ITIH4: variants seen among roughly 807,000 people sequenced by gnomAD.
ITIH4 encodes the protein inter-alpha-trypsin inhibitor heavy chain 4.
Under a neutral mutation model 111.8 loss-of-function variants are expected in ITIH4, and 79 were observed. That is an observed-to-expected ratio of 0.71 (90% CI 0.59 to 0.85). The LOEUF is 0.85. ITIH4 is among the 40% of genes least tolerant of loss of function. The probability of loss-of-function intolerance (pLI) is 0.00; values close to 1 mark genes in which losing one functional copy is unlikely to be tolerated. For synonymous variants in ITIH4, 472 were observed against 468.3 expected (o/e 1.01, Z -0.10); for missense variants, 1,065 against 1,195.8 (o/e 0.89, Z 1.61).
intron 11 of ITIH4, among the ~76,000 whole-genome samples, chr3:52,822,695 G>A (rs1416271317): frequency 2.0e-5 from 3 of 152,184 alleles, no homozygotes; most frequent in Non-Finnish European, 4.4e-5. Flanking sequence ...TGGCCACGCA[G>A]ACCGTACCAA....
chr3:52,825,470 C>T (rs1249061520), intron 6 of ITIH4, among the ~76,000 whole-genome samples: 2 of 151,040 alleles, frequency 1.3e-5, no homozygotes, highest in South Asian at 2.1e-4. Flanking sequence ...TGGTGGTGCA[C>T]GCCTGTAGTC....
chr3:52,827,696 C>CCTG (rs1700507326), intron 2 of ITIH4, among the ~76,000 whole-genome samples: 1 of 152,220 alleles, frequency 6.6e-6, no homozygotes, highest in African/African-American at 2.4e-5. Context: ...GCACTTTCCC[C>CCTG]CTACAGCAGT....
At position 52,819,378 on chromosome 3, in the gene ITIH4, C is replaced by T. The variant is rs377087485; in HGVS notation, c.2077+15G>A. ...TGGGAAACCGAGGCCCTCGCAGGGC[C>T]GGAAGGCAGCTTACAGATGGCCAGA... On this transcript the variant is annotated intron_variant, in intron 17 of 23. Transcript: ENST00000266041. 71 of 1,613,676 alleles carry T rather than the reference C, an allele frequency of 4.4e-5. No homozygotes were observed. The highest frequency in any genetic ancestry group is 1.3e-4 in the African/African-American group (10 of 74,916).
chr3:52,815,506 T>G (rs971047788), intron 21 of ITIH4, among the ~76,000 whole-genome samples: 3 of 152,042 alleles, frequency 2.0e-5, no homozygotes, highest in Admixed American at 1.3e-4. Context: ...CCTCCCAAAG[T>G]GCTGGGATTA....
rs1439921552 is a variant in ITIH4 at position 52,819,468 on chromosome 3, T to C, written c.2002A>G (p.Arg668Gly). Residue 668 changes from arginine to glycine, a missense_variant, in exon 17 of 24, where the codon AGG becomes GGG. Coordinates refer to ENST00000266041, the MANE Select transcript of ITIH4 (RefSeq NM_002218.5). The stretch of plus-strand genomic sequence containing the variant: ...GGAGGTCCTGGGAGTCCAAGTTGCC[T>C]GGAGCTGAGAACCCCAGGTCTGAAA... Reference protein sequence around the residue: ...MNFRPGVLSSRQLGLPGPPDV... With the variant: ...MNFRPGVLSSGQLGLPGPPDV... 2 of 1,614,140 alleles carry C rather than the reference T, an allele frequency of 1.2e-6. No homozygotes were observed. The highest frequency in any genetic ancestry group is 1.7e-6 in the Non-Finnish European group (2 of 1,179,998).
Position 52,819,547 on chromosome 3 carries a change from C to G in ITIH4, c.1952-29G>C, listed in dbSNP as rs200702093. On this transcript the variant is annotated intron_variant, in intron 16 of 23. Transcript: ENST00000266041. Reference sequence around the variant, plus strand: ...TGGAGAAATCGACAGATGCAGTCTTCTCTCAGGTGGGGTGTGGGTCTTCAC... The same window carrying G: ...TGGAGAAATCGACAGATGCAGTCTTGTCTCAGGTGGGGTGTGGGTCTTCAC... 355 of 1,613,712 alleles carry G rather than the reference C, an allele frequency of 2.2e-4. 3 individuals carry two copies. Among genetic ancestry groups the G allele is most frequent in the Admixed American group, 1.7e-4 (10 of 60,000 alleles).
At position 52,826,787 on chromosome 3, in the gene ITIH4, G is replaced by A; in HGVS notation, c.519+4C>T. On this transcript the variant is annotated splice_donor_region_variant and intron_variant, in intron 4 of 23. Transcript: ENST00000266041. ...GCCTCCCTGGAAGAGGTAGCAGCAG[G>A]TACCTGCAGGTGCTTGACCAGCTGC... 2 of 1,613,712 alleles carry A rather than the reference G, an allele frequency of 1.2e-6. No homozygotes were observed. Among genetic ancestry groups the A allele is most frequent in the Non-Finnish European group, 1.7e-6 (2 of 1,179,968 alleles).
At chr3:52,820,509 C>T (rs528407257) in intron 13 of ITIH4, 122 bp downstream of exon 13, 4 of 1,287,946 alleles carry the variant, frequency 3.1e-6, no homozygotes, top group South Asian at 1.4e-5. Flanking sequence ...TAGGCTGAAT[C>T]TCCCAGGGGG....
intron 17 of ITIH4, chr3:52,818,780 T>C: frequency 1.8e-6 from 1 of 547,052 alleles, no homozygotes; most frequent in Non-Finnish European, 3.3e-6. Context: ...GGACCTCTGT[T>C]GGCTTTCTGA....
chr3:52,824,144 G>A lies in ITIH4; in HGVS notation c.1171+46C>T, dbSNP rs376909882. 2.0e-5 allele frequency: 32 copies of A among 1,600,342 alleles called. No individual in the cohort carries two copies. Among genetic ancestry groups the A allele is most frequent in the African/African-American group, 5.3e-5 (4 of 74,790 alleles). Reference sequence around the variant, plus strand: ...AGCAAGCCCAGGTGCAGCCCCAGCCGCCTCCCCTGTGCAGCACGTCCTGGA... The same window carrying A: ...AGCAAGCCCAGGTGCAGCCCCAGCCACCTCCCCTGTGCAGCACGTCCTGGA... On this transcript the variant is annotated intron_variant, in intron 9 of 23. Coordinates refer to ENST00000266041, the MANE Select transcript of ITIH4 (RefSeq NM_002218.5). This position sits in a 1 kb window ranked among gnomAD's most constrained non-coding sequence, Gnocchi z 4.3.
chr3:52,813,533 C>G, intron 23 of ITIH4, 43 bp from the exon 24 acceptor site: 1 of 1,568,534 alleles, frequency 6.4e-7, no homozygotes. Context: ...GTCAGCAAAT[C>G]TCAGGTGTGG....
chr3:52,829,172 C>T lies in ITIH4; in HGVS notation c.198G>A (p.Glu66=), dbSNP rs2154111764. The T allele has an allele frequency of 6.2e-7, 1 of 1,613,298 alleles. No homozygotes were observed. The highest frequency in any genetic ancestry group is 8.5e-7 in the Non-Finnish European group (1 of 1,179,382). Residue 66 remains glutamate, a synonymous_variant, in exon 2 of 24, where the codon GAG becomes GAA. Coordinates refer to ENST00000266041, the MANE Select transcript of ITIH4 (RefSeq NM_002218.5). The part of the protein sequence containing the change: ...RVVNRANTVQ[E]ATFQMELPKK... Reference sequence around the variant, plus strand: ...TGGGCAGCTCCATCTGGAAGGTGGCCTCCTGCACAGTATTGGCCCTATTGA... The same window carrying T: ...TGGGCAGCTCCATCTGGAAGGTGGCTTCCTGCACAGTATTGGCCCTATTGA...
chr3:52,819,650 G>A, intron 16 of ITIH4, 104 bp downstream of exon 16: 1 of 1,573,504 alleles, frequency 6.4e-7, no homozygotes, highest in East Asian at 2.2e-5. Flanking sequence ...CGGCCAACTT[G>A]GGGAGCCTCT....
Position 52,823,850 on chromosome 3 carries a change from C to T in ITIH4, c.1326G>A (p.Glu442=), listed in dbSNP as rs375231686. ...GGAGCTGCAGGGCAGAGTCTGAGTC[C>T]TCATGGATGCGCCGGGCCAGGCCGC... is the stretch of plus-strand genomic sequence containing the variant. ...DNGGLARRIH[E]DSDSALQLQD... Residue 442 remains glutamate, a synonymous_variant, in exon 10 of 24, where the codon GAG becomes GAA. Coordinates refer to ENST00000266041, the MANE Select transcript of ITIH4 (RefSeq NM_002218.5). 2.5e-5 allele frequency: 41 copies of T among 1,613,772 alleles called. No homozygotes were observed. Among genetic ancestry groups the T allele is most frequent in the Middle Eastern group, 1.6e-4 (1 of 6,084 alleles).
chr3:52,813,906 C>A lies in ITIH4; in HGVS notation c.2723+69G>T, dbSNP rs981264397. ...AGGACAGGAGTGGGGCCCTGGAGAGCCTGGCTCCTGGCCTGCCAGTCCCCA... is the reference window on the plus strand; with the variant it reads ...AGGACAGGAGTGGGGCCCTGGAGAGACTGGCTCCTGGCCTGCCAGTCCCCA... On this transcript the variant is annotated intron_variant, in intron 23 of 23. Transcript: ENST00000266041. 3.2e-6 allele frequency: 4 copies of A among 1,264,754 alleles called. No individual in the cohort carries two copies. In the African/African-American group the frequency reaches 6.0e-5, roughly 19 times the overall value. 78.3% of individuals were successfully genotyped at this position (1,264,754 alleles called of 1,614,324 possible). A position where few individuals can be genotyped will look rare whatever the true frequency, so the allele number is the denominator to read the frequency against.
chr3:52,829,176 T>G lies in ITIH4; in HGVS notation c.194A>C (p.Gln65Pro), dbSNP rs1281832657. The change falls in exon 2 of 24, where the codon CAG becomes CCG. Residue 65 changes from glutamine to proline, a missense_variant. Physicochemically the swap from Gln to Pro is moderately conservative, Grantham distance 76. Coordinates refer to ENST00000266041, the MANE Select transcript of ITIH4 (RefSeq NM_002218.5). ...CAGCTCCATCTGGAAGGTGGCCTCC[T>G]GCACAGTATTGGCCCTATTGACCAC... Reference protein sequence around the residue: ...SRVVNRANTVQEATFQMELPK... With the variant: ...SRVVNRANTVPEATFQMELPK... 1 of 1,613,474 alleles carries G rather than the reference T, an allele frequency of 6.2e-7. No individual in the cohort carries two copies. The highest frequency in any genetic ancestry group is 8.5e-7 in the Non-Finnish European group (1 of 1,179,490).
intron 17 of ITIH4, 66 bp from the exon 18 acceptor site, chr3:52,818,602 G>A: frequency 7.3e-7 from 1 of 1,360,562 alleles, no homozygotes; most frequent in Admixed American, 2.0e-5. Context: ...GCAACCAGCA[G>A]CGCTGCCACC....
rs762703121 is a variant in ITIH4, at chr3:52,824,940, C to A, written c.778G>T (p.Val260Leu). 6.2e-7 allele frequency: 1 copy of A among 1,612,290 alleles called. No individual in the cohort carries two copies. Among genetic ancestry groups the A allele is most frequent in the African/African-American group, 1.3e-5 (1 of 74,874 alleles). The change falls in exon 7 of 24, where the codon GTA becomes TTA. Residue 260 changes from valine to leucine, a missense_variant. Physicochemically the swap from Val to Leu is conservative, Grantham distance 32. Coordinates refer to ENST00000266041, the MANE Select transcript of ITIH4 (RefSeq NM_002218.5). The surrounding 1 kb of genome is among the most constrained non-coding windows in gnomAD (Gnocchi z 4.3). ...GSIQIENGYF[V>L]HYFAPEGLTT... ...AGGCCCTCGGGGGCAAAGTAGTGTA[C>A]AAAGTAGCCGTTCTCGATCTGTGGC...
At chr3:52,815,381 T>C (rs530679059) in intron 21 of ITIH4, among the ~76,000 whole-genome samples, 5 of 151,932 alleles carry the variant, frequency 3.3e-5, no homozygotes, top group South Asian at 2.1e-4. Context: ...GTAGCTGGGA[T>C]TACAGGCGTG....
Sources: gnomAD v4.1 joint callset for allele counts (sites outside exome capture counted in the v4.1 genomes callset) on GRCh38, gnomAD v4.1.1 for gene constraint, Gnocchi (gnomAD v3.1) non-coding constraint, MANE v1.5 for transcripts, NCBI Gene and HGNC (gene_info 2026-07-23, HGNC 2026-07-21) for gene names.